The following NDUFA10 variants were observed in gnomAD, a reference collection of about 807,000 sequenced individuals.
The protein encoded by NDUFA10 is NADH:ubiquinone oxidoreductase subunit A10, also known as NADH dehydrogenase [ubiquinone] 1 alpha subcomplex subunit 10, mitochondrial.
In NDUFA10, 40 loss-of-function variants were observed where a neutral mutation model predicts 47.8. The ratio of observed to expected loss-of-function variants is 0.84; its 90% CI spans 0.65 to 1.09. NDUFA10 has a LOEUF of 1.09. NDUFA10 is among the 50% of genes least tolerant of loss of function. The pLI, the probability that NDUFA10 is intolerant of heterozygous loss-of-function variation, is 0.00. For missense variants in NDUFA10, 413 were observed against 451.1 expected (o/e 0.92, Z 0.76); for synonymous variants, 183 against 172.2 (o/e 1.06, Z -0.49).
chr2:239,936,441 G>A (rs919337575), intron 4 of NDUFA10, among the ~76,000 whole-genome samples: 3 of 152,224 alleles, frequency 2.0e-5, no homozygotes, highest in Non-Finnish European at 4.4e-5. Context: ...CGGTGGATAC[G>A]TGTCATTATG....
rs78108183 is a variant in NDUFA10, at chr2:239,918,011, G to T, written c.295-22697C>A. On this transcript the variant is annotated intron_variant, in intron 4 of 5. Transcript: ENST00000419408. Reference sequence around the variant, plus strand: ...GTCATGGTGTGGCGGCAGCCCAGCAGCCCTGGACTCCAGGTGGGGAGAGGA... The same window carrying T: ...GTCATGGTGTGGCGGCAGCCCAGCATCCCTGGACTCCAGGTGGGGAGAGGA... Among the ~76,000 whole-genome samples the T allele has an allele frequency of 4.2e-3, 633 of 152,284 alleles. 4 individuals carry two copies. The highest frequency in any genetic ancestry group is 0.015 in the African/African-American group (610 of 41,568).
In NDUFA10 at chr2:239,906,006, G is replaced by A. The variant is rs1425868096; in HGVS notation, c.295-10692C>T. 6.6e-6 allele frequency among the ~76,000 whole-genome samples: 1 copy of A among 152,248 alleles called. No homozygotes were observed. The highest frequency in any genetic ancestry group is 1.9e-4 in the East Asian group (1 of 5,152). ...CCATGCGCGGGAGGCCTGGCCTCCT[G>A]TGGTGGGATCAGAATTCCCCTAAGG... On this transcript the variant is annotated intron_variant, in intron 4 of 5. Coordinates refer to the NDUFA10 transcript ENST00000419408. The surrounding 1 kb of genome is among the most constrained non-coding windows in gnomAD (Gnocchi z 4.3).
intron 9 of NDUFA10, 21 bp downstream of exon 9, chr2:239,990,053 T>C: frequency 6.4e-7 from 1 of 1,558,506 alleles, no homozygotes; most frequent in Non-Finnish European, 8.9e-7. Flanking sequence ...TGGCCAGCTT[T>C]CTCCATTTCC....
In NDUFA10 at chr2:239,957,779, G is replaced by A. The variant is rs1301171102; in HGVS notation, c.*3339C>T. 1 of 152,200 alleles carries A rather than the reference G, an allele frequency of 6.6e-6. No homozygotes were observed. Among genetic ancestry groups the A allele is most frequent in the East Asian group, 1.9e-4 (1 of 5,200 alleles). 9.4% of individuals were successfully genotyped at this position (152,200 alleles called of 1,614,324 possible). On this transcript the variant is annotated 3_prime_UTR_variant, in exon 10 of 10. Transcript: ENST00000252711. ...ATCACTGGAGCTCCCCGGCCTCCTG[G>A]AATTCAGGTGGCAATGTCCAACATC...
At position 239,994,812 on chromosome 2, in the gene NDUFA10, C is replaced by T. The variant is rs190221066; in HGVS notation, c.891-4630G>A. ...ACACACACAAATATAGGCATCTAGT[C>T]CAAAATGTTAACAGAGTTTTAAAAA... On this transcript the variant is annotated intron_variant, in intron 8 of 9. Transcript: ENST00000252711. 1.6e-4 allele frequency among the ~76,000 whole-genome samples: 24 copies of T among 152,150 alleles called. 1 individual carries two copies. In the East Asian group the frequency reaches 4.4e-3, roughly 28 times the overall value.
At chr2:240,013,683 G>A (rs1254655270) in intron 5 of NDUFA10, 3 of 152,132 alleles carry the variant, frequency 2.0e-5, no homozygotes, top group Non-Finnish European at 4.4e-5. Flanking sequence ...TTAGTCCCAT[G>A]GATCTTTCAG....
intron 4 of NDUFA10, among the ~76,000 whole-genome samples, chr2:239,944,266 G>A (rs540492279): frequency 7.9e-5 from 12 of 152,244 alleles, no homozygotes; most frequent in Non-Finnish European, 1.6e-4. Context: ...ATCATTTCAC[G>A]TAGGCAGCAG....
At chr2:240,007,434 T>G in intron 6 of NDUFA10, 64 bp from the exon 7 acceptor site, 1 of 1,121,830 alleles carries the variant, frequency 8.9e-7, no homozygotes, top group Non-Finnish European at 1.4e-6. Flanking sequence ...AATGTACAAA[T>G]GAATACATAC....
At position 240,021,284 on chromosome 2, in the gene NDUFA10, C is replaced by T. The variant is rs781489844; in HGVS notation, c.373G>A (p.Asp125Asn). The change falls in exon 3 of 10, where the codon GAT (aspartate) becomes AAT (asparagine). Residue 125 changes from aspartate to asparagine, a missense_variant. Transcript: ENST00000252711. Reference sequence around the variant, plus strand: ...GACTGCAGGCGGTAACTGTTGCCATCATTGCTTCTCGGATCATCGTAAAAT... The same window carrying T: ...GACTGCAGGCGGTAACTGTTGCCATTATTGCTTCTCGGATCATCGTAAAAT... ...EKFYDDPRSN[D>N]GNSYRLQSWL... is the part of the protein sequence containing the mutation. The T allele has an allele frequency of 6.2e-7, 1 of 1,614,234 alleles. No homozygotes were observed. The highest frequency in any genetic ancestry group is 1.1e-5 in the South Asian group (1 of 91,084).
intron 4 of NDUFA10, among the ~76,000 whole-genome samples, chr2:239,913,326 C>T (rs187063048): frequency 4.6e-5 from 7 of 152,360 alleles, no homozygotes; most frequent in East Asian, 1.9e-4. Context: ...CTGGCCTAGG[C>T]GCACCACTTC....
intron 2 of NDUFA10, 140 bp from the exon 3 acceptor site, chr2:240,021,552 C>T (rs1697624280): frequency 2.7e-6 from 2 of 753,172 alleles, no homozygotes; most frequent in Non-Finnish European, 2.3e-6. Context: ...AAGTCACCTA[C>T]ATGCCTGGGT....
chr2:240,018,380 A>C, intron 4 of NDUFA10, 173 bp downstream of exon 4: 3 of 1,531,902 alleles, frequency 2.0e-6, no homozygotes, highest in Non-Finnish European at 2.6e-6. Flanking sequence ...AGGAGGGAGA[A>C]AGGGTGGAAG....
rs6713039 is a variant in NDUFA10 at position 240,007,142 on chromosome 2, G to A, written c.804+174C>T. On this transcript the variant is annotated intron_variant, in intron 7 of 9. Coordinates refer to ENST00000252711, the MANE Select transcript of NDUFA10 (RefSeq NM_004544.4). ...AAACCGAATTACTTGAAAGAAACTC[G>A]AAACCTCATGGCCAGGGGAGTGTGA... Among the ~76,000 whole-genome samples the A allele has an allele frequency of 0.18, 27,769 of 152,082 alleles. 2,809 individuals are homozygous for A. Among genetic ancestry groups the A allele is most frequent in the African/African-American group, 0.26 (10,958 of 41,456 alleles).
chr2:240,013,766 GCAC>G (rs1697227420), intron 5 of NDUFA10: 1 of 152,206 alleles, frequency 6.6e-6, no homozygotes, highest in Non-Finnish European at 1.5e-5. Context: ...TATTTCCTGA[GCAC>G]CTACAAGAAT....
intron 4 of NDUFA10, among the ~76,000 whole-genome samples, chr2:240,018,103 G>C (rs1197468579): frequency 6.6e-6 from 1 of 152,184 alleles, no homozygotes; most frequent in Non-Finnish European, 1.5e-5. Flanking sequence ...CTACTGTCCT[G>C]AAAAACGGCA....
intron 4 of NDUFA10, among the ~76,000 whole-genome samples, chr2:239,939,157 C>T (rs905576623): frequency 3.3e-5 from 5 of 152,188 alleles, no homozygotes; most frequent in Non-Finnish European, 5.9e-5. Context: ...CAGCTGCCCG[C>T]GTTTCATGCC....
At chr2:239,911,670 A>AGAGTGTGTGTGTGTGTGTGTGTGTGT in intron 4 of NDUFA10, among the ~76,000 whole-genome samples, 1 of 146,536 alleles carries the variant, frequency 6.8e-6, no homozygotes, top group South Asian at 2.2e-4. Context: ...AACATGAGAG[A>AGAGTGTGTGTGTGTGTGTGTGTGTGT]GTGTGTGTGC....
rs1340235522 is a variant in NDUFA10 at position 240,016,161 on chromosome 2, A to G, written c.548-1301T>C. 6.6e-6 allele frequency among the ~76,000 whole-genome samples: 1 copy of G among 152,248 alleles called. No homozygotes were observed. Among genetic ancestry groups the G allele is most frequent in the Non-Finnish European group, 1.5e-5 (1 of 68,040 alleles). ...CTCAGGGTCAGGAACGGCACGAGCTAAAGAACAAGGAAGACCACCCAGGAG... is the reference window on the plus strand; with the variant it reads ...CTCAGGGTCAGGAACGGCACGAGCTGAAGAACAAGGAAGACCACCCAGGAG... On this transcript the variant is annotated intron_variant, in intron 4 of 9. Coordinates refer to ENST00000252711, the MANE Select transcript of NDUFA10 (RefSeq NM_004544.4). The surrounding 1 kb of genome is among the most constrained non-coding windows in gnomAD (Gnocchi z 4.4).
At chr2:239,972,958 C>T (rs1288594129) in intron 9 of NDUFA10, among the ~76,000 whole-genome samples, 1 of 152,180 alleles carries the variant, frequency 6.6e-6, no homozygotes, top group African/African-American at 2.4e-5. Context: ...TACCACTTTC[C>T]ATCAGTAGAC....
Sources: gnomAD v4.1 joint callset for allele counts (sites outside exome capture counted in the v4.1 genomes callset) on GRCh38, gnomAD v4.1.1 for gene constraint, Gnocchi (gnomAD v3.1) non-coding constraint, MANE v1.5 for transcripts, NCBI Gene and HGNC (gene_info 2026-07-23, HGNC 2026-07-21) for gene names.